RGS12: variants seen among roughly 807,000 people sequenced by gnomAD.
The protein encoded by RGS12 is regulator of G protein signaling 12, also known as regulator of G-protein signaling 12.
RGS12 carries 66 observed loss-of-function variants against 120.1 expected under a neutral mutation model. That is an observed-to-expected ratio of 0.55 (90% CI 0.45 to 0.67). RGS12 has a LOEUF of 0.67. RGS12 is among the 30% of genes least tolerant of loss of function. The pLI, the probability that RGS12 is intolerant of heterozygous loss-of-function variation, is 0.00. For missense variants in RGS12, 1,859 were observed against 1,957.7 expected (o/e 0.95, Z 0.95); for synonymous variants, 827 against 804.7 (o/e 1.03, Z -0.47).
At chr4:3,308,424 G>A (rs1229504710) in intron 1 of RGS12, among the ~76,000 whole-genome samples, 1 of 152,224 alleles carries the variant, frequency 6.6e-6, no homozygotes, top group Non-Finnish European at 1.5e-5. Flanking sequence ...CACTGAAATG[G>A]CGAGGCACCC....
In RGS12 at chr4:3,430,669, C is replaced by T. The variant is rs1033406043; in HGVS notation, c.3828C>T (p.Gly1276=). 1 of 1,588,120 alleles carries T rather than the reference C, an allele frequency of 6.3e-7. No individual in the cohort carries two copies. Among genetic ancestry groups the T allele is most frequent in the African/African-American group, 1.3e-5 (1 of 74,326 alleles). Residue 1276 remains glycine, a synonymous_variant, in exon 17 of 18, where the codon GGC becomes GGT. Coordinates refer to ENST00000336727, the MANE Select transcript of RGS12 (RefSeq NM_001394154.1). ...GCGACAGCCCGTCCACCAGCCCGGG[C>T]TCAGCCTCCAGCCCCCCTGGACCTC... ...ESSDSPSTSP[G]SASSPPGPPG...
chr4:3,432,455 G>A (rs990970931), intron 17 of RGS12, among the ~76,000 whole-genome samples: 1 of 152,180 alleles, frequency 6.6e-6, no homozygotes, highest in Non-Finnish European at 1.5e-5. Flanking sequence ...CTGCAGTCCC[G>A]CACCCACACC....
At chr4:3,307,294 G>A (rs1724028525) in intron 1 of RGS12, among the ~76,000 whole-genome samples, 1 of 152,202 alleles carries the variant, frequency 6.6e-6, no homozygotes, top group Non-Finnish European at 1.5e-5. Flanking sequence ...CCCGCGCACC[G>A]CTGGGGACAG....
intron 2 of RGS12, among the ~76,000 whole-genome samples, chr4:3,334,477 A>T (rs1368217108): frequency 6.6e-6 from 1 of 152,170 alleles, no homozygotes; most frequent in Non-Finnish European, 1.5e-5. Flanking sequence ...ACTATCTCGT[A>T]CTTTCCCTTC....
intron 4 of RGS12, among the ~76,000 whole-genome samples, chr4:3,405,821 G>C (rs1560152074): frequency 6.6e-6 from 1 of 152,220 alleles, no homozygotes; most frequent in Non-Finnish European, 1.5e-5. Flanking sequence ...GAAGAATGCG[G>C]ACATTTGGTG....
At chr4:3,309,108 C>T (rs1291220803) in intron 1 of RGS12, among the ~76,000 whole-genome samples, 18 of 109,954 alleles carry the variant, frequency 1.6e-4, no homozygotes, top group South Asian at 1.0e-3. Context: ...TGAGGGGAAC[C>T]GTGTTGAGGA....
chr4:3,346,650 G>A (rs1351375727), intron 3 of RGS12, among the ~76,000 whole-genome samples: 1 of 152,210 alleles, frequency 6.6e-6, no homozygotes, highest in East Asian at 1.9e-4. Flanking sequence ...TGAGGAGCTT[G>A]GAAACAGTGC....
chr4:3,345,672 C>T (rs1024933627), intron 3 of RGS12, among the ~76,000 whole-genome samples: 1 of 152,252 alleles, frequency 6.6e-6, no homozygotes, highest in South Asian at 2.1e-4. Context: ...GTGTTGGCAT[C>T]ATCTCAACGC....
intron 4 of RGS12, among the ~76,000 whole-genome samples, chr4:3,406,167 C>T (rs535437049): frequency 3.6e-4 from 55 of 152,252 alleles, no homozygotes; most frequent in Non-Finnish European, 5.9e-4. Flanking sequence ...TGTGGGGCCC[C>T]GCCGAGGTGA....
intron 13 of RGS12, chr4:3,423,868 A>G: frequency 1.9e-6 from 1 of 523,868 alleles, no homozygotes; most frequent in Non-Finnish European, 3.3e-6. Context: ...AAAAGAATTG[A>G]TATTTGAGAG....
At chr4:3,420,558 G>C in intron 9 of RGS12, 84 bp from the exon 10 acceptor site, 1 of 1,410,110 alleles carries the variant, frequency 7.1e-7, no homozygotes, top group Non-Finnish European at 1.0e-6. Flanking sequence ...TGTCTGCTCA[G>C]CCTAAAGGGG....
chr4:3,368,639 T>G (rs58949283), intron 3 of RGS12, among the ~76,000 whole-genome samples: 19,480 of 82,248 alleles, frequency 0.24, 2,800 homozygotes, highest in South Asian at 0.35. Flanking sequence ...TGTGTGTGTG[T>G]GGTACGTGTG....
chr4:3,331,795 G>A (rs1032447434), intron 2 of RGS12, among the ~76,000 whole-genome samples: 2 of 152,154 alleles, frequency 1.3e-5, no homozygotes, highest in African/African-American at 2.4e-5. Context: ...AGCGGCACTC[G>A]GAGTCCACCC....
At position 3,421,832 on chromosome 4, in the gene RGS12, C is replaced by T. The variant is rs143976408; in HGVS notation, c.2839-544C>T. On this transcript the variant is annotated intron_variant, in intron 10 of 17. Coordinates refer to ENST00000336727, the MANE Select transcript of RGS12 (RefSeq NM_001394154.1). ...AGCCGCATTATGAGGGGCACAGATA[C>T]AGGGAAGGGGATGGTTGGGAACCAC... 2.3e-3 allele frequency among the ~76,000 whole-genome samples: 344 copies of T among 152,356 alleles called. 3 individuals carry two copies. The highest frequency in any genetic ancestry group is 8.0e-3 in the African/African-American group (331 of 41,580).
At chr4:3,399,254 A>G (rs1289980232) in intron 4 of RGS12, among the ~76,000 whole-genome samples, 2 of 152,212 alleles carry the variant, frequency 1.3e-5, no homozygotes, top group Non-Finnish European at 2.9e-5. Context: ...AAATTAAGGA[A>G]ATGAAGATAA....
chr4:3,369,510 G>A (rs991034567), intron 3 of RGS12, among the ~76,000 whole-genome samples: 1 of 152,136 alleles, frequency 6.6e-6, no homozygotes, highest in African/African-American at 2.4e-5. Flanking sequence ...GTCTAATGGC[G>A]AAGCTTCCCT....
At position 3,420,218 on chromosome 4, in the gene RGS12, G is replaced by A. The variant is rs1044326498; in HGVS notation, c.2762-424G>A. Among the ~76,000 whole-genome samples the A allele has an allele frequency of 7.9e-5, 12 of 152,308 alleles. 1 individual carries two copies. The East Asian group carries it at 2.1e-3, about 27-fold the overall frequency. ...GCGCTGGCTGTTGCCACAGTTGGGG[G>A]TTTCCAGTTAGGCCCAGAAACTACA... is the stretch of plus-strand genomic sequence containing the variant. On this transcript the variant is annotated intron_variant, in intron 9 of 17. Transcript: ENST00000336727.
chr4:3,424,659 C>T (rs1723415919), intron 13 of RGS12, among the ~76,000 whole-genome samples: 1 of 152,238 alleles, frequency 6.6e-6, no homozygotes, highest in Non-Finnish European at 1.5e-5. Context: ...TCCCTGTGAG[C>T]TGCGGCCCTC....
rs774560691 is a variant in RGS12, at chr4:3,316,246, G to A, written c.76G>A (p.Ala26Thr). 17 of 1,613,312 alleles carry A rather than the reference G, an allele frequency of 1.1e-5. No homozygotes were observed. Among genetic ancestry groups the A allele is most frequent in the Non-Finnish European group, 1.2e-5 (14 of 1,179,578 alleles). The change falls in exon 2 of 18, where the codon GCC becomes ACC. Residue 26 changes from alanine to threonine, a missense_variant. By Grantham distance (58) the Ala-to-Thr change is moderately conservative (BLOSUM62 0). This residue lies in a region of RGS12 where 967 missense variants were observed against 994.2 expected (regional missense o/e 0.97). Transcript: ENST00000336727. ...CCCAAGGGTGCGGAGTGTGGAGGTT[G>A]CCCGGGGGAGGGCCGGCTACGGATT... ...SPPRVRSVEV[A>T]RGRAGYGFTL...
Sources: gnomAD v4.1 joint callset for allele counts (sites outside exome capture counted in the v4.1 genomes callset) on GRCh38, gnomAD v4.1.1 for gene constraint, gnomAD v4.1.1 regional missense constraint, MANE v1.5 for transcripts, NCBI Gene and HGNC (gene_info 2026-07-23, HGNC 2026-07-21) for gene names.